ACVR1C: variants seen among roughly 807,000 people sequenced by gnomAD.
ACVR1C encodes the protein activin A receptor type 1C, also known as activin receptor type-1C.
ACVR1C carries 23 observed loss-of-function variants against 57.9 expected under a neutral mutation model. That is an observed-to-expected ratio of 0.40 (90% CI 0.29 to 0.56). The LOEUF (loss-of-function observed/expected upper bound fraction) is 0.56. ACVR1C is among the 20% of genes least tolerant of loss of function. The pLI, the probability that ACVR1C is intolerant of heterozygous loss-of-function variation, is 0.50. For synonymous variants in ACVR1C, 214 were observed against 215.3 expected, an observed-to-expected ratio of 0.99 and a Z score of 0.05; for missense variants, 480 against 607.9, an observed-to-expected ratio of 0.79 and a Z score of 2.21.
chr2:157,627,679 G>C (rs192973990), intron 1 of ACVR1C, among the ~76,000 whole-genome samples: 3 of 152,196 alleles, frequency 2.0e-5, no homozygotes, highest in Non-Finnish European at 4.4e-5. Context: ...GAAAACACCA[G>C]ATTTTTATGT....
At chr2:157,594,324 A>AC (rs1463410280) in intron 1 of ACVR1C, among the ~76,000 whole-genome samples, 1 of 151,774 alleles carries the variant, frequency 6.6e-6, no homozygotes, top group Non-Finnish European at 1.5e-5. Context: ...ACTTCTAAAG[A>AC]CCCCTCCAGG....
chr2:157,559,066 C>A (rs749995400), intron 2 of ACVR1C, among the ~76,000 whole-genome samples: 3 of 152,110 alleles, frequency 2.0e-5, no homozygotes, highest in Non-Finnish European at 4.4e-5. Context: ...GCTTATTGAT[C>A]GTCATCATTT....
rs893596001 is a variant in ACVR1C at position 157,550,078 on chromosome 2, T to C, written c.775+84A>G. The C allele has an allele frequency of 2.6e-6, 3 of 1,157,590 alleles. No homozygotes were observed. The African/African-American group carries it at 4.7e-5, about 18-fold the overall frequency. The allele number at this position is 1,157,590 out of a possible 1,614,324, so 71.7% of individuals were successfully genotyped here. A position where few individuals can be genotyped will look rare whatever the true frequency, so the allele number is the denominator to read the frequency against. ...GGTGAATTTATTTTTTCTTATCTGA[T>C]ACTAGACAACATTTTTTTTTTGAGA... On this transcript the variant is annotated intron_variant, in intron 4 of 8. Coordinates refer to ENST00000243349, the MANE Select transcript of ACVR1C (RefSeq NM_145259.3).
intron 1 of ACVR1C, among the ~76,000 whole-genome samples, chr2:157,591,475 A>C (rs1012642424): frequency 9.2e-5 from 14 of 152,204 alleles, no homozygotes; most frequent in African/African-American, 3.1e-4. Context: ...TTATGACCCT[A>C]CTTATTTACA....
chr2:157,566,876 G>T (rs1207392351), intron 2 of ACVR1C, among the ~76,000 whole-genome samples: 2 of 151,882 alleles, frequency 1.3e-5, no homozygotes, highest in Non-Finnish European at 2.9e-5. Context: ...AGCTCAAGGA[G>T]GCCTGCCTGC....
chr2:157,602,576 AG>A (rs1682303310), intron 1 of ACVR1C, among the ~76,000 whole-genome samples: 2 of 152,334 alleles, frequency 1.3e-5, no homozygotes, highest in African/African-American at 4.8e-5. Context: ...TAAACACAAA[AG>A]TTTCTTTAAA....
intron 7 of ACVR1C, among the ~76,000 whole-genome samples, chr2:157,539,773 CA>C (rs1178063315): frequency 1.3e-5 from 2 of 152,164 alleles, no homozygotes; most frequent in Non-Finnish European, 2.9e-5. Context: ...TAGTAAGTGG[CA>C]GATCTGGAAT....
At chr2:157,541,676 T>C (rs577668863) in intron 6 of ACVR1C, among the ~76,000 whole-genome samples, 110 of 152,212 alleles carry the variant, frequency 7.2e-4, no homozygotes, top group African/African-American at 2.5e-3. Context: ...GCTTTTCTTG[T>C]ATAGGGAAAA....
intron 1 of ACVR1C, among the ~76,000 whole-genome samples, chr2:157,616,579 G>T (rs1263638959): frequency 6.6e-6 from 1 of 152,054 alleles, no homozygotes; most frequent in African/African-American, 2.4e-5. Flanking sequence ...TGTGAGTAGG[G>T]TTTTTCCTTA....
intron 3 of ACVR1C, among the ~76,000 whole-genome samples, chr2:157,550,616 G>A (rs1228078284): frequency 6.6e-6 from 1 of 151,840 alleles, no homozygotes; most frequent in Admixed American, 6.6e-5. Context: ...GTATTCACAA[G>A]TAAAAATTTT....
At chr2:157,544,317 T>C in intron 5 of ACVR1C, 128 bp downstream of exon 5, 1 of 885,456 alleles carries the variant, frequency 1.1e-6, no homozygotes, top group Non-Finnish European at 1.6e-6. Context: ...AATGCTGGGA[T>C]TATGGGTATA....
intron 1 of ACVR1C, among the ~76,000 whole-genome samples, chr2:157,624,179 A>C (rs1682848088): frequency 6.6e-6 from 1 of 152,194 alleles, no homozygotes; most frequent in African/African-American, 2.4e-5. Flanking sequence ...GGAACTAAAC[A>C]GCTTCAGGAT....
intron 2 of ACVR1C, among the ~76,000 whole-genome samples, chr2:157,559,463 A>C (rs747173214): frequency 6.6e-6 from 1 of 152,358 alleles, no homozygotes; most frequent in South Asian, 2.1e-4. Context: ...GTACAAGAAA[A>C]CAATCATGCA....
intron 5 of ACVR1C, 45 bp downstream of exon 5, chr2:157,544,397 TCTA>T (rs1687693294): frequency 6.5e-7 from 1 of 1,534,264 alleles, no homozygotes; most frequent in African/African-American, 1.4e-5. Flanking sequence ...ACTAAGTACC[TCTA>T]TCCTCATATT....
chr2:157,614,915 T>C (rs1382483664), intron 1 of ACVR1C, among the ~76,000 whole-genome samples: 3 of 152,198 alleles, frequency 2.0e-5, no homozygotes, highest in Non-Finnish European at 4.4e-5. Context: ...GTGGATTTCT[T>C]ATGACAGCAT....
At chr2:157,616,015 T>C (rs948118240) in intron 1 of ACVR1C, among the ~76,000 whole-genome samples, 1 of 152,202 alleles carries the variant, frequency 6.6e-6, no homozygotes, top group African/African-American at 2.4e-5. Context: ...TTTGTCTGGA[T>C]TGGGCTCTCC....
At chr2:157,554,268 A>AAGGAAGGAAGGAAGG (rs1688019044) in intron 3 of ACVR1C, among the ~76,000 whole-genome samples, 4 of 113,562 alleles carry the variant, frequency 3.5e-5, no homozygotes, top group Admixed American at 2.5e-4. Flanking sequence ...AGAAAGAAAG[A>AAGGAAGGAAGGAAGG]AAGGAAGGAA....
intron 2 of ACVR1C, among the ~76,000 whole-genome samples, chr2:157,575,508 A>C (rs1445884876): frequency 5.9e-5 from 9 of 152,120 alleles, no homozygotes; most frequent in Admixed American, 1.3e-4. Context: ...GGCTAAACAG[A>C]TCCCCCTGCC....
rs1687404672 is a variant in ACVR1C, at chr2:157,533,369, C to A, written c.*549G>T. On this transcript the variant is annotated 3_prime_UTR_variant, in exon 9 of 9. Transcript: ENST00000243349. ...GGGGAGACCAAGCACATGGGACACC[C>A]ACCTCACTTACATCTTCCACTAAGC... The A allele has an allele frequency of 6.6e-6, 1 of 152,490 alleles. No homozygotes were observed. The highest frequency in any genetic ancestry group is 1.5e-5 in the Non-Finnish European group (1 of 68,042). 9.4% of individuals were successfully genotyped at this position (152,490 alleles called of 1,614,324 possible).
Sources: allele counts gnomAD v4.1 joint callset (sites outside exome capture counted in the v4.1 genomes callset), GRCh38; gene constraint gnomAD v4.1.1; transcripts MANE v1.5; gene names NCBI Gene and HGNC (gene_info 2026-07-23, HGNC 2026-07-21).